H3-3B: variants seen among roughly 807,000 people sequenced by gnomAD.
The protein encoded by H3-3B is histone H3.3.
Under a neutral mutation model 13.1 loss-of-function variants are expected in H3-3B, and 2 were observed. That is an observed-to-expected ratio of 0.15 (90% CI 0.06 to 0.48). H3-3B has a LOEUF of 0.48. Ranked by LOEUF, H3-3B falls within the 20% of genes least tolerant of loss-of-function variation. The probability of loss-of-function intolerance (pLI) is 0.97; values close to 1 mark genes in which losing one functional copy is unlikely to be tolerated. For synonymous variants in H3-3B, 133 were observed against 75.8 expected (o/e 1.76, Z -3.92); for missense variants, 39 against 186.0 (o/e 0.21, Z 4.60).
intron 3 of H3-3B, 27 bp downstream of exon 3, chr17:75,778,783 T>TC: frequency 6.2e-7 from 1 of 1,613,984 alleles, no homozygotes; most frequent in African/African-American, 1.3e-5. Flanking sequence ...CGCCCAGCCC[T>TC]CCCCCGGCTC....
Position 75,778,979 on chromosome 17 carries a change from G to C in H3-3B, c.129-16C>G. 2 of 1,614,032 alleles carry C rather than the reference G, an allele frequency of 1.2e-6. No individual in the cohort carries two copies. Among genetic ancestry groups the C allele is most frequent in the African/African-American group, 1.3e-5 (1 of 75,072 alleles). ...GGTCCCGGGCCTGCAGCGAGCAGGG[G>C]AGGAGTGAGCGGACGCTGCCGCACA... On this transcript the variant is annotated splice_polypyrimidine_tract_variant and intron_variant, in intron 2 of 3. Coordinates refer to ENST00000254810, the MANE Select transcript of H3-3B (RefSeq NM_005324.5).
chr17:75,779,336 T>C, intron 1 of H3-3B, 152 bp from the exon 2 acceptor site: 1 of 728,464 alleles, frequency 1.4e-6, no homozygotes, highest in Non-Finnish European at 1.9e-6. Context: ...GCCGCCAACC[T>C]CCTCCCCCTC....
chr17:75,779,279 G>A lies in H3-3B; in HGVS notation c.-10-95C>T, dbSNP rs1472193801. Reference sequence around the variant, plus strand: ...GAACAGATCCTGGCCCCACCGCCGGGCCTCCCGCCTCCCCGCGCCCCACCT... The same window carrying A: ...GAACAGATCCTGGCCCCACCGCCGGACCTCCCGCCTCCCCGCGCCCCACCT... On this transcript the variant is annotated intron_variant, in intron 1 of 3. Transcript: ENST00000254810. 19 of 1,241,942 alleles carry A rather than the reference G, an allele frequency of 1.5e-5. No homozygotes were observed. In the South Asian group the frequency reaches 2.5e-4, roughly 16 times the overall value. The allele number at this position is 1,241,942 out of a possible 1,614,324, so 76.9% of individuals were successfully genotyped here.
At position 75,777,117 on chromosome 17, in the gene H3-3B, G is replaced by A. The variant is rs1242440937; in HGVS notation, c.*1478C>T. 3 of 152,140 alleles carry A rather than the reference G, an allele frequency of 2.0e-5. No individual in the cohort carries two copies. Among genetic ancestry groups the A allele is most frequent in the Admixed American group, 2.0e-4 (3 of 15,262 alleles). The allele number at this position is 152,140 out of a possible 1,614,324, so 9.4% of individuals were successfully genotyped here. On this transcript the variant is annotated 3_prime_UTR_variant, in exon 4 of 4. Coordinates refer to ENST00000254810, the MANE Select transcript of H3-3B (RefSeq NM_005324.5). ...TGTCTCACTGACATCCACGTACTAT[G>A]CTTTAGTGGCCATCATCGCACAAGG...
intron 3 of H3-3B, 27 bp downstream of exon 3, chr17:75,778,783 T>G: frequency 1.2e-6 from 2 of 1,613,984 alleles, no homozygotes; most frequent in Non-Finnish European, 1.7e-6. Flanking sequence ...CGCCCAGCCC[T>G]CCCCCGGCTC....
At position 75,778,333 on chromosome 17, in the gene H3-3B, TAACA is replaced by T; in HGVS notation, c.*258_*261del. The T allele has an allele frequency of 6.2e-6, 3 of 483,598 alleles. No homozygotes were observed. Among genetic ancestry groups the T allele is most frequent in the Non-Finnish European group, 1.1e-5 (3 of 270,086 alleles). The allele number at this position is 483,598 out of a possible 1,614,324, so 30.0% of individuals were successfully genotyped here. A position where few individuals can be genotyped will look rare whatever the true frequency, so the allele number is the denominator to read the frequency against. On this transcript the variant is annotated 3_prime_UTR_variant, in exon 4 of 4. Coordinates refer to ENST00000254810, the MANE Select transcript of H3-3B (RefSeq NM_005324.5). Reference sequence around the variant, plus strand: ...CCTTAATAGCTACCCAACAAGTCATTAACATACAGAAACATGCATCATGAGAAGC... The same window carrying T: ...CCTTAATAGCTACCCAACAAGTCATTTACAGAAACATGCATCATGAGAAGC...
Position 75,776,544 on chromosome 17 carries a change from G to A in H3-3B, c.*2051C>T, listed in dbSNP as rs1389394635. 2.0e-5 allele frequency: 3 copies of A among 152,200 alleles called. No individual in the cohort carries two copies. Among genetic ancestry groups the A allele is most frequent in the African/African-American group, 4.8e-5 (2 of 41,434 alleles). The allele number at this position is 152,200 out of a possible 1,614,324, so 9.4% of individuals were successfully genotyped here. The stretch of plus-strand genomic sequence containing the variant: ...CTCTGCTCCTTTACCCTTACCGAGG[G>A]ATATCCCATACAGGAAGCCGCCTAC... On this transcript the variant is annotated 3_prime_UTR_variant, in exon 4 of 4. Transcript: ENST00000254810.
intron 1 of H3-3B, 54 bp from the exon 2 acceptor site, chr17:75,779,238 A>C (rs1389134288): frequency 3.5e-6 from 5 of 1,418,808 alleles, no homozygotes; most frequent in Non-Finnish European, 4.6e-6. Flanking sequence ...GCCGCCCCCC[A>C]GGGCTGCGGG....
chr17:75,777,820 G>GT lies in H3-3B; in HGVS notation c.*774dup, dbSNP rs1035599632. 3.9e-5 allele frequency: 6 copies of GT among 152,554 alleles called. No individual in the cohort carries two copies. Among genetic ancestry groups the GT allele is most frequent in the African/African-American group, 1.4e-4 (6 of 41,430 alleles). 9.5% of individuals were successfully genotyped at this position (152,554 alleles called of 1,614,324 possible). On this transcript the variant is annotated 3_prime_UTR_variant, in exon 4 of 4. Coordinates refer to ENST00000254810, the MANE Select transcript of H3-3B (RefSeq NM_005324.5). The stretch of plus-strand genomic sequence containing the variant: ...AAGATGATGCTGGTGTGAATAACTC[G>GT]TTTTTTCTAGAGCCCTTATAAATAA...
At position 75,779,163 on chromosome 17, in the gene H3-3B, G is replaced by T; in HGVS notation, c.12C>A (p.Thr4=). 6.4e-7 allele frequency: 1 copy of T among 1,550,628 alleles called. No individual in the cohort carries two copies. The highest frequency in any genetic ancestry group is 2.2e-5 in the Admixed American group (1 of 45,642). Residue 4 remains threonine (T), a synonymous_variant, in exon 2 of 4, where the codon ACC becomes ACA. Coordinates refer to ENST00000254810, the MANE Select transcript of H3-3B (RefSeq NM_005324.5). MAR[T]KQTARKSTGG... is the part of the protein sequence containing the mutation. ...CGGTGGACTTACGAGCAGTCTGCTT[G>T]GTTCGGGCCATTTTCTTTCACCTAA...
chr17:75,778,790 G>A lies in H3-3B; in HGVS notation c.282+20C>T, dbSNP rs199824594. ...GCGGAAACCGCCCAGCCCTCCCCCG[G>A]CTCCAGGCCTTTGTCTTACCTGCAG... On this transcript the variant is annotated intron_variant, in intron 3 of 3. Transcript: ENST00000254810. 9.0e-4 allele frequency: 1,446 copies of A among 1,614,072 alleles called. 3 individuals carry two copies. The highest frequency in any genetic ancestry group is 5.7e-3 in the African/African-American group (430 of 75,012).
chr17:75,779,290 C>G, intron 1 of H3-3B, 106 bp from the exon 2 acceptor site: 1 of 1,216,922 alleles, frequency 8.2e-7, no homozygotes, highest in Non-Finnish European at 1.1e-6. Flanking sequence ...CCTCCCGCCT[C>G]CCCGCGCCCC....
In H3-3B at chr17:75,779,342, C is replaced by A. The variant is rs964492866; in HGVS notation, c.-10-158G>T. The A allele has an allele frequency of 7.0e-6, 5 of 717,230 alleles. 1 individual carries two copies. The highest frequency in any genetic ancestry group is 1.8e-5 in the African/African-American group (1 of 54,086). 44.4% of individuals were successfully genotyped at this position (717,230 alleles called of 1,614,324 possible). A position where few individuals can be genotyped will look rare whatever the true frequency, so the allele number is the denominator to read the frequency against. ...TGGCCGAGGGCCGCCAACCTCCTCC[C>A]CCTCCCCTAATGACTCAGGCTGCGA... On this transcript the variant is annotated intron_variant, in intron 1 of 3. Coordinates refer to ENST00000254810, the MANE Select transcript of H3-3B (RefSeq NM_005324.5).
rs1310425131 is a variant in H3-3B at position 75,777,834 on chromosome 17, C to A, written c.*761G>T. ...GTGAATAACTCGTTTTTTCTAGAGC[C>A]CTTATAAATAAAATCCCCCAGTTAG... On this transcript the variant is annotated 3_prime_UTR_variant, in exon 4 of 4. Transcript: ENST00000254810. 1 of 152,466 alleles carries A rather than the reference C, an allele frequency of 6.6e-6. No individual in the cohort carries two copies. Among genetic ancestry groups the A allele is most frequent in the African/African-American group, 2.4e-5 (1 of 41,390 alleles). 9.4% of individuals were successfully genotyped at this position (152,466 alleles called of 1,614,324 possible). A position where few individuals can be genotyped will look rare whatever the true frequency, so the allele number is the denominator to read the frequency against.
At position 75,778,983 on chromosome 17, in the gene H3-3B, A is replaced by G. The variant is rs2143631006; in HGVS notation, c.129-20T>C. The G allele has an allele frequency of 6.2e-7, 1 of 1,613,838 alleles. No individual in the cohort carries two copies. Among genetic ancestry groups the G allele is most frequent in the African/African-American group, 1.3e-5 (1 of 75,040 alleles). The stretch of plus-strand genomic sequence containing the variant: ...CCGGGCCTGCAGCGAGCAGGGGAGG[A>G]GTGAGCGGACGCTGCCGCACAAAGC... On this transcript the variant is annotated intron_variant, in intron 2 of 3. Coordinates refer to ENST00000254810, the MANE Select transcript of H3-3B (RefSeq NM_005324.5).
chr17:75,777,029 T>C lies in H3-3B; in HGVS notation c.*1566A>G, dbSNP rs4567786. ...TTTTGAGAAAGCAATTTTAATGGGGTATAACTTTAAGCAGTTGCTAACTTC... is the reference window on the plus strand; with the variant it reads ...TTTTGAGAAAGCAATTTTAATGGGGCATAACTTTAAGCAGTTGCTAACTTC... On this transcript the variant is annotated 3_prime_UTR_variant, in exon 4 of 4. Coordinates refer to ENST00000254810, the MANE Select transcript of H3-3B (RefSeq NM_005324.5). 147,741 of 152,290 alleles carry C rather than the reference T, an allele frequency of 0.97. 71,675 individuals are homozygous for C. The highest frequency in any genetic ancestry group is 0.99 in the Middle Eastern group (292 of 294). The allele number at this position is 152,290 out of a possible 1,614,324, so 9.4% of individuals were successfully genotyped here. A position where few individuals can be genotyped will look rare whatever the true frequency, so the allele number is the denominator to read the frequency against.
In H3-3B at chr17:75,779,369, G is replaced by A. The variant is rs991735608; in HGVS notation, c.-10-185C>T. 32 of 519,970 alleles carry A rather than the reference G, an allele frequency of 6.2e-5. No individual in the cohort carries two copies. The Middle Eastern group carries it at 1.6e-3, about 27-fold the overall frequency. 32.2% of individuals were successfully genotyped at this position (519,970 alleles called of 1,614,324 possible). On this transcript the variant is annotated intron_variant, in intron 1 of 3. Transcript: ENST00000254810. Reference sequence around the variant, plus strand: ...CTCCCCTAATGACTCAGGCTGCGAGGAGCGGCAGCCTCCCCCGGGAGGGGG... The same window carrying A: ...CTCCCCTAATGACTCAGGCTGCGAGAAGCGGCAGCCTCCCCCGGGAGGGGG...
rs1568399158 is a variant in H3-3B, at chr17:75,776,830, A to AT, written c.*1764dup. 1 of 152,198 alleles carries AT rather than the reference A, an allele frequency of 6.6e-6. No homozygotes were observed. Among genetic ancestry groups the AT allele is most frequent in the Admixed American group, 6.5e-5 (1 of 15,280 alleles). 9.4% of individuals were successfully genotyped at this position (152,198 alleles called of 1,614,324 possible). On this transcript the variant is annotated 3_prime_UTR_variant, in exon 4 of 4. Coordinates refer to ENST00000254810, the MANE Select transcript of H3-3B (RefSeq NM_005324.5). Reference sequence around the variant, plus strand: ...TAGCACGTTCCAACATCTGATCTTAATCTCATTCTGAAGCACAGTGAGGAA... The same window carrying AT: ...TAGCACGTTCCAACATCTGATCTTAATTCTCATTCTGAAGCACAGTGAGGAA...
chr17:75,779,218 GCT>G, intron 1 of H3-3B, 34 bp from the exon 2 acceptor site: 1 of 1,452,702 alleles, frequency 6.9e-7, no homozygotes, highest in Non-Finnish European at 9.1e-7. Context: ...AGGCCGCCGC[GCT>G]CACCCGGGCC....
Sources: gnomAD v4.1 joint callset for allele counts on GRCh38, gnomAD v4.1.1 for gene constraint, MANE v1.5 for transcripts, NCBI Gene and HGNC (gene_info 2026-07-23, HGNC 2026-07-21) for gene names.